CSMD3: variants seen among roughly 807,000 people sequenced by gnomAD.
CSMD3 encodes the protein CUB and Sushi multiple domains 3, also known as CUB and sushi domain-containing protein 3.
CSMD3 carries 177 observed loss-of-function variants against 435.2 expected under a neutral mutation model. The ratio of observed to expected loss-of-function variants is 0.41; its 90% CI spans 0.36 to 0.46. The LOEUF (loss-of-function observed/expected upper bound fraction) is 0.46, where lower values mean the gene tolerates loss of function less well. Ranked by LOEUF, CSMD3 falls within the 20% of genes least tolerant of loss-of-function variation. The pLI is 0.34. For synonymous variants in CSMD3, 1,656 were observed against 1,520.5 expected (o/e 1.09, Z -2.07); for missense variants, 4,265 against 4,504.6 (o/e 0.95, Z 1.52).
At position 112,263,785 on chromosome 8, in the gene CSMD3, A is replaced by G. The variant is rs781178519; in HGVS notation, c.9716T>C (p.Ile3239Thr). 1 of 1,613,844 alleles carries G rather than the reference A, an allele frequency of 6.2e-7. No individual in the cohort carries two copies. The highest frequency in any genetic ancestry group is 8.5e-7 in the Non-Finnish European group (1 of 1,179,784). The change falls in exon 61 of 71, where the codon ATC (isoleucine) becomes ACC (threonine). Residue 3239 changes from isoleucine to threonine, a missense_variant. Around this residue, in one of 3 missense-constraint regions of CSMD3, gnomAD observed 3,255 missense variants for 3,380.2 expected, o/e 0.96. Transcript: ENST00000297405. ...TGTTCCTTCCAGCCTTCCATTAGAG[A>G]TCTGGGGAGGAGTTGGGCAGGTAAC... ...RAVTCPTPPQ[I>T]SNGRLEGTNF...
At chr8:112,518,787 A>G (rs1407161065) in intron 27 of CSMD3, among the ~76,000 whole-genome samples, 1 of 152,108 alleles carries the variant, frequency 6.6e-6, no homozygotes, top group African/African-American at 2.4e-5. Flanking sequence ...ATTTATGAAG[A>G]AAAGAGGTTT....
intron 10 of CSMD3, among the ~76,000 whole-genome samples, chr8:112,915,896 G>T (rs2082558268): frequency 1.3e-5 from 2 of 151,698 alleles, no homozygotes; most frequent in African/African-American, 4.8e-5. Flanking sequence ...AGGTAAAGAA[G>T]AATATTGAAC....
At chr8:112,493,090 T>G (rs2056426) in intron 30 of CSMD3, among the ~76,000 whole-genome samples, 2,638 of 152,242 alleles carry the variant, frequency 0.017, 79 homozygotes, top group African/African-American at 0.06. Context: ...AGCAGCAGCA[T>G]CATTTCTGTC....
intron 32 of CSMD3, among the ~76,000 whole-genome samples, chr8:112,454,979 G>C (rs898935351): frequency 1.3e-5 from 2 of 151,656 alleles, no homozygotes; most frequent in African/African-American, 4.8e-5. Context: ...ACAGTGGTCA[G>C]TATTCACAAC....
At chr8:112,433,654 C>CAAAAAAAAAAAAAAAAGAAAAAAAAAAA (rs1813975588) in intron 32 of CSMD3, among the ~76,000 whole-genome samples, 2 of 93,212 alleles carry the variant, frequency 2.1e-5, no homozygotes, top group African/African-American at 3.9e-5. Flanking sequence ...GAGAACCTGT[C>CAAAAAAAAAAAAAAAAGAAAAAAAAAAA]AAAAAAAAAA....
chr8:112,500,646 G>GT (rs1821845254), intron 30 of CSMD3, among the ~76,000 whole-genome samples: 1 of 152,108 alleles, frequency 6.6e-6, no homozygotes, highest in African/African-American at 2.4e-5. Flanking sequence ...AGATAGTAAG[G>GT]TTTTCCTTTT....
chr8:112,285,738 T>A (rs1039050043), intron 58 of CSMD3, among the ~76,000 whole-genome samples: 1 of 152,056 alleles, frequency 6.6e-6, no homozygotes, highest in Non-Finnish European at 1.5e-5. Flanking sequence ...TCTTTTTTTT[T>A]AAACAGAGTC....
chr8:113,079,956 T>A (rs2089490990), intron 5 of CSMD3, among the ~76,000 whole-genome samples: 1 of 152,016 alleles, frequency 6.6e-6, no homozygotes, highest in Non-Finnish European at 1.5e-5. Context: ...TTGTTTGTTT[T>A]TCTCTCCACA....
At chr8:112,697,242 A>G in intron 13 of CSMD3, among the ~76,000 whole-genome samples, 1 of 152,206 alleles carries the variant, frequency 6.6e-6, no homozygotes, top group African/African-American at 2.4e-5. Context: ...TACCCAAAGG[A>G]TTATAAATCA....
intron 1 of CSMD3, among the ~76,000 whole-genome samples, chr8:113,354,342 G>A (rs2094207956): frequency 6.6e-6 from 1 of 152,166 alleles, no homozygotes; most frequent in Non-Finnish European, 1.5e-5. Flanking sequence ...AGGAAAGACA[G>A]AAATTTAGCT....
intron 4 of CSMD3, among the ~76,000 whole-genome samples, chr8:113,135,635 TC>T (rs1207962824): frequency 6.6e-6 from 1 of 151,730 alleles, no homozygotes; most frequent in East Asian, 1.9e-4. Flanking sequence ...ATTAAAAATT[TC>T]CCAATGCTTA....
chr8:112,439,171 C>T (rs563436607), intron 32 of CSMD3, among the ~76,000 whole-genome samples: 5 of 152,100 alleles, frequency 3.3e-5, no homozygotes, highest in Non-Finnish European at 5.9e-5. Context: ...GATGGAGTCT[C>T]GCTCTGTTGC....
chr8:112,980,403 C>G (rs2130958871), intron 6 of CSMD3, among the ~76,000 whole-genome samples: 1 of 151,180 alleles, frequency 6.6e-6, no homozygotes, highest in Middle Eastern at 3.8e-3. Context: ...TTTAGTGTTT[C>G]ATATGAAACA....
intron 4 of CSMD3, among the ~76,000 whole-genome samples, chr8:113,154,988 A>G (rs562150859): frequency 2.6e-4 from 40 of 152,148 alleles, no homozygotes; most frequent in African/African-American, 9.1e-4. Context: ...TTTCCTTTTA[A>G]TAAACAAGCT....
chr8:112,922,534 A>T (rs1587679237), intron 9 of CSMD3, among the ~76,000 whole-genome samples: 1 of 151,584 alleles, frequency 6.6e-6, no homozygotes, highest in Admixed American at 6.6e-5. Flanking sequence ...TCCCCCACTA[A>T]CCTTCCCAGC....
intron 12 of CSMD3, among the ~76,000 whole-genome samples, chr8:112,821,990 T>C (rs2079543303): frequency 6.6e-6 from 1 of 152,164 alleles, no homozygotes; most frequent in South Asian, 2.1e-4. Context: ...GAGCTCTCTG[T>C]TATGTTCCAC....
intron 5 of CSMD3, among the ~76,000 whole-genome samples, chr8:113,072,304 C>T (rs7829709): frequency 0.68 from 103,088 of 151,406 alleles, 36,919 homozygotes; most frequent in East Asian, 0.95. Context: ...TATCTAATTG[C>T]TCTGTCAAGG....
intron 32 of CSMD3, among the ~76,000 whole-genome samples, chr8:112,470,051 C>G (rs565696013): frequency 8.7e-4 from 132 of 152,148 alleles, no homozygotes; most frequent in African/African-American, 3.1e-3. Flanking sequence ...ACTGCTTGAC[C>G]ATCTGTCATC....
chr8:112,602,301 G>C (rs571990851), intron 22 of CSMD3, among the ~76,000 whole-genome samples: 3 of 151,962 alleles, frequency 2.0e-5, no homozygotes, highest in Non-Finnish European at 4.4e-5. Context: ...TTGAAAATTT[G>C]TCGCCTGTAA....
Sources: gnomAD v4.1 joint callset for allele counts (sites outside exome capture counted in the v4.1 genomes callset) on GRCh38, gnomAD v4.1.1 for gene constraint, gnomAD v4.1.1 regional missense constraint, MANE v1.5 for transcripts, NCBI Gene and HGNC (gene_info 2026-07-23, HGNC 2026-07-21) for gene names.